TRAK1: variants seen among roughly 807,000 people sequenced by gnomAD.
The protein encoded by TRAK1 is trafficking kinesin protein 1.
Under a neutral mutation model 92.1 loss-of-function variants are expected in TRAK1, and 33 were observed. The observed-to-expected ratio is 0.36, with a 90% CI of 0.27 to 0.48. The LOEUF is 0.48. Ranked by LOEUF, TRAK1 falls within the 20% of genes least tolerant of loss-of-function variation. The pLI, the probability that TRAK1 is intolerant of heterozygous loss-of-function variation, is 0.99. For missense variants in TRAK1, 1,123 were observed against 1,257.9 expected, an observed-to-expected ratio of 0.89 and a Z score of 1.62; for synonymous variants, 521 against 517.3, an observed-to-expected ratio of 1.01 and a Z score of -0.10.
At chr3:42,195,080 G>GT in intron 10 of TRAK1, 139 bp downstream of exon 10, 2 of 1,071,092 alleles carry the variant, frequency 1.9e-6, no homozygotes, top group Non-Finnish European at 2.6e-6. Flanking sequence ...TCTGAATCAA[G>GT]GACACTTGAA....
chr3:42,198,501 G>A (rs534411506), intron 10 of TRAK1, among the ~76,000 whole-genome samples: 159 of 152,344 alleles, frequency 1.0e-3, no homozygotes, highest in South Asian at 2.3e-3. Flanking sequence ...ATAGTTGGCG[G>A]TGAGAGGAAC....
At chr3:42,177,499 T>C (rs1703376137) in intron 3 of TRAK1, among the ~76,000 whole-genome samples, 1 of 152,242 alleles carries the variant, frequency 6.6e-6, no homozygotes, top group Admixed American at 6.5e-5. Flanking sequence ...TGGTGGGTTC[T>C]TAGTATTTGT....
At chr3:42,014,256 C>T (rs1237745754) in intron 1 of TRAK1, 1 of 152,360 alleles carries the variant, frequency 6.6e-6, no homozygotes, top group Non-Finnish European at 1.5e-5. Context: ...GGGGACAGCC[C>T]TCCTAATGCA....
At chr3:42,162,091 TGTTAAA>T (rs1235492660) in intron 2 of TRAK1, among the ~76,000 whole-genome samples, 1 of 152,136 alleles carries the variant, frequency 6.6e-6, no homozygotes, top group African/African-American at 2.4e-5. Flanking sequence ...TGGGCACGCA[TGTTAAA>T]GTATGAGATG....
chr3:42,123,351 C>T (rs990089667), intron 1 of TRAK1, among the ~76,000 whole-genome samples: 5 of 152,230 alleles, frequency 3.3e-5, no homozygotes, highest in Non-Finnish European at 5.9e-5. Flanking sequence ...CTGGCCTTGG[C>T]TCAAGCAGGG....
chr3:42,019,084 T>C (rs1464625797), intron 1 of TRAK1, among the ~76,000 whole-genome samples: 4 of 151,770 alleles, frequency 2.6e-5, no homozygotes, highest in Non-Finnish European at 5.9e-5. Context: ...ATCGCACTAC[T>C]GCACTCCAGC....
chr3:42,051,451 G>C (rs554957892), intron 1 of TRAK1: 1 of 152,448 alleles, frequency 6.6e-6, no homozygotes, highest in South Asian at 2.1e-4. Context: ...CTATGCCCAA[G>C]AGAGGGAGGA....
chr3:42,215,886 T>C (rs549372119), intron 14 of TRAK1, among the ~76,000 whole-genome samples: 2 of 152,330 alleles, frequency 1.3e-5, no homozygotes, highest in African/African-American at 4.8e-5. Flanking sequence ...CATAGCAACA[T>C]GCCAAGTACG....
intron 14 of TRAK1, chr3:42,217,375 G>T (rs1709838903): frequency 1.0e-6 from 1 of 985,182 alleles, no homozygotes; most frequent in African/African-American, 1.7e-5. Context: ...GATCTTCCTT[G>T]GTCTTCTACG....
intron 1 of TRAK1, among the ~76,000 whole-genome samples, chr3:42,118,262 T>TG (rs1559791084): frequency 6.6e-6 from 1 of 152,036 alleles, no homozygotes; most frequent in African/African-American, 2.4e-5. Context: ...TTTTTTTTTT[T>TG]TGTATTTTTA....
intron 3 of TRAK1, among the ~76,000 whole-genome samples, chr3:42,181,015 C>A (rs976002000): frequency 6.6e-6 from 1 of 152,124 alleles, no homozygotes; most frequent in Non-Finnish European, 1.5e-5. Context: ...GCGAGGCAGC[C>A]CTTAGGTGCA....
chr3:42,105,401 C>A (rs572108625), intron 1 of TRAK1, among the ~76,000 whole-genome samples: 4 of 152,202 alleles, frequency 2.6e-5, no homozygotes, highest in South Asian at 2.1e-4. Context: ...ATTTGATCAA[C>A]TGGAAGAAAG....
intron 1 of TRAK1, among the ~76,000 whole-genome samples, chr3:42,101,460 G>A (rs1277263989): frequency 1.3e-5 from 2 of 152,244 alleles, no homozygotes; most frequent in Non-Finnish European, 2.9e-5. Context: ...TTTCAGGAAA[G>A]CCTCGTGGTG....
At chr3:42,135,907 T>C (rs1482258493) in intron 2 of TRAK1, among the ~76,000 whole-genome samples, 1 of 152,180 alleles carries the variant, frequency 6.6e-6, no homozygotes, top group Non-Finnish European at 1.5e-5. Flanking sequence ...AAACTGAACG[T>C]GTGCTTGCCA....
Position 42,060,723 on chromosome 3 carries a change from G to A in TRAK1, c.-518-26381G>A, listed in dbSNP as rs543288614. On this transcript the variant is annotated intron_variant, in intron 1 of 16. Transcript: ENST00000487159. ...ACGCACTGCAACCTCCGCCTTCCTGGTTCAAGTCATTCTCCTGCCTCAGCC... is the reference window on the plus strand; with the variant it reads ...ACGCACTGCAACCTCCGCCTTCCTGATTCAAGTCATTCTCCTGCCTCAGCC... 1.6e-4 allele frequency among the ~76,000 whole-genome samples: 24 copies of A among 151,040 alleles called. No homozygotes were observed. In the East Asian group the frequency reaches 4.7e-3, roughly 29 times the overall value.
At chr3:42,121,259 CTTT>C (rs397959962) in intron 1 of TRAK1, among the ~76,000 whole-genome samples, 4 of 131,760 alleles carry the variant, frequency 3.0e-5, no homozygotes, top group Admixed American at 7.6e-5. Context: ...CTGGGGAATT[CTTT>C]TTTTTTTTTT....
At chr3:42,096,639 A>C (rs2148993685) in intron 1 of TRAK1, among the ~76,000 whole-genome samples, 1 of 152,372 alleles carries the variant, frequency 6.6e-6, no homozygotes, top group Non-Finnish European at 1.5e-5. Flanking sequence ...CTTGTATTTC[A>C]AATGTCGCTG....
intron 2 of TRAK1, among the ~76,000 whole-genome samples, chr3:42,131,921 A>G (rs1212081286): frequency 1.8e-5 from 2 of 111,330 alleles, no homozygotes; most frequent in Middle Eastern, 5.6e-3. Context: ...AAAAAAAAAA[A>G]GCTGGGTGTG....
intron 1 of TRAK1, among the ~76,000 whole-genome samples, chr3:42,103,030 T>C (rs1164480600): frequency 1.3e-5 from 2 of 152,208 alleles, no homozygotes; most frequent in Non-Finnish European, 2.9e-5. Context: ...TTTTAGTATG[T>C]TCGTGGGGTT....
Sources: gnomAD v4.1 joint callset for allele counts (sites outside exome capture counted in the v4.1 genomes callset) on GRCh38, gnomAD v4.1.1 for gene constraint, MANE v1.5 for transcripts, NCBI Gene and HGNC (gene_info 2026-07-23, HGNC 2026-07-21) for gene names.